SLC25A21: variants seen among roughly 807,000 people sequenced by gnomAD.
SLC25A21 encodes the protein solute carrier family 25 member 21, also known as mitochondrial 2-oxodicarboxylate carrier.
Under a neutral mutation model 43.8 loss-of-function variants are expected in SLC25A21, and 47 were observed. The ratio of observed to expected loss-of-function variants is 1.07; its 90% CI spans 0.85 to 1.37. The LOEUF (loss-of-function observed/expected upper bound fraction) is 1.37. Among genes scored for constraint, SLC25A21 ranks in the 40% most tolerant of loss-of-function variants. SLC25A21 has a pLI of 0.00. For synonymous variants in SLC25A21, 131 were observed against 121.3 expected (o/e 1.08, Z -0.52); for missense variants, 352 against 350.2 (o/e 1.00, Z -0.04).
At chr14:36,914,304 A>C (rs193203281) in intron 1 of SLC25A21, among the ~76,000 whole-genome samples, 63 of 152,308 alleles carry the variant, frequency 4.1e-4, no homozygotes, top group African/African-American at 1.4e-3. Flanking sequence ...GAGTTTGTGA[A>C]ACATTTTCCA....
At chr14:37,167,426 C>T (rs1964047862) in intron 1 of SLC25A21, among the ~76,000 whole-genome samples, 1 of 152,126 alleles carries the variant, frequency 6.6e-6, no homozygotes, top group Non-Finnish European at 1.5e-5. Flanking sequence ...TAAGCAACTC[C>T]ATCTTGCTTC....
intron 3 of SLC25A21, among the ~76,000 whole-genome samples, chr14:36,780,561 G>T (rs548597908): frequency 6.8e-4 from 104 of 152,008 alleles, no homozygotes; most frequent in South Asian, 3.7e-3. Flanking sequence ...GATATTTTTT[G>T]ATTTCCCTTT....
Position 37,172,305 on chromosome 14 carries a change from G to A in SLC25A21, c.46C>T (p.Gln16Ter). Residue 16 changes from glutamine (Q) to a stop codon, truncating the protein, a stop_gained, in exon 1 of 10, where the codon CAG (glutamine) becomes TAG (stop). Coordinates refer to ENST00000331299, the MANE Select transcript of SLC25A21 (RefSeq NM_030631.4). LOFTEE classifies it high-confidence loss of function. ...CCTGCAGAACCACCGGCCACGATCT[G>A]CCGAGAAGCCTCGCGCACTAAGCTG... ...EVSLVREASR[Q>*]IVAGGSAGLV... 6.2e-7 allele frequency: 1 copy of A among 1,601,688 alleles called. No homozygotes were observed.
rs752898382 is a variant in SLC25A21, at chr14:36,684,879, G to A, written c.650C>T (p.Ser217Leu). 2.5e-6 allele frequency: 4 copies of A among 1,612,490 alleles called. No homozygotes were observed. The highest frequency in any genetic ancestry group is 1.3e-5 in the African/African-American group (1 of 74,728). ...GTTAATGACTGAGGCTATTGTCCCC[G>A]AGAGAAGACCAATCCCAAATTTTCT... ...FWRKFGIGLLSGTIASVINIP... is the reference protein window; with the variant it reads ...FWRKFGIGLLLGTIASVINIP... The change falls in exon 8 of 10, where the codon TCG becomes TTG. Residue 217 changes from serine (S) to leucine (L), a missense_variant. By Grantham distance (145) the Ser-to-Leu change is moderately radical. Coordinates refer to ENST00000331299, the MANE Select transcript of SLC25A21 (RefSeq NM_030631.4).
intron 3 of SLC25A21, among the ~76,000 whole-genome samples, chr14:36,763,922 G>T (rs567489512): frequency 6.6e-6 from 1 of 150,808 alleles, no homozygotes; most frequent in East Asian, 2.0e-4. Flanking sequence ...TCAGTTACTT[G>T]GGAGGGTGAG....
chr14:36,706,036 T>C (rs1172039996), intron 7 of SLC25A21, among the ~76,000 whole-genome samples: 3 of 152,208 alleles, frequency 2.0e-5, no homozygotes, highest in African/African-American at 7.2e-5. Context: ...TAAAGAATAC[T>C]GGTTTCCCAG....
intron 3 of SLC25A21, among the ~76,000 whole-genome samples, chr14:36,802,056 A>T (rs2138421634): frequency 6.6e-6 from 1 of 152,284 alleles, no homozygotes; most frequent in East Asian, 1.9e-4. Flanking sequence ...CATGAAAATT[A>T]TTCTATTGTA....
intron 1 of SLC25A21, among the ~76,000 whole-genome samples, chr14:36,879,676 A>C (rs369975906): frequency 2.6e-5 from 4 of 152,230 alleles, no homozygotes; most frequent in African/African-American, 9.6e-5. Context: ...GAAAAAATTA[A>C]CACCACCATG....
intron 3 of SLC25A21, among the ~76,000 whole-genome samples, chr14:36,755,627 A>G (rs1594556515): frequency 6.6e-6 from 1 of 152,198 alleles, no homozygotes; most frequent in East Asian, 1.9e-4. Flanking sequence ...ATTGTGAACC[A>G]CACTTTGACC....
At chr14:36,851,764 C>T (rs1253823143) in intron 2 of SLC25A21, among the ~76,000 whole-genome samples, 3 of 152,068 alleles carry the variant, frequency 2.0e-5, no homozygotes, top group Admixed American at 6.6e-5. Flanking sequence ...GTGTGTTCTC[C>T]AAATGAGTAG....
At chr14:37,073,106 C>T (rs1190822913) in intron 1 of SLC25A21, among the ~76,000 whole-genome samples, 1 of 152,164 alleles carries the variant, frequency 6.6e-6, no homozygotes. Context: ...TCACTTTGAC[C>T]TTCACGCTGT....
chr14:37,020,936 T>C (rs1960972624), intron 1 of SLC25A21, among the ~76,000 whole-genome samples: 1 of 152,014 alleles, frequency 6.6e-6, no homozygotes, highest in Non-Finnish European at 1.5e-5. Context: ...TTCCCAGCAG[T>C]GCAAATCTAA....
chr14:36,990,959 C>G (rs1239737746), intron 1 of SLC25A21, among the ~76,000 whole-genome samples: 1 of 152,036 alleles, frequency 6.6e-6, no homozygotes, highest in Non-Finnish European at 1.5e-5. Flanking sequence ...CATCAGTCAA[C>G]TTGGAGTTCT....
chr14:36,772,819 G>GA (rs547406746), intron 3 of SLC25A21, among the ~76,000 whole-genome samples: 1 of 152,192 alleles, frequency 6.6e-6, no homozygotes, highest in African/African-American at 2.4e-5. Flanking sequence ...TTTGGGGTGA[G>GA]AAACCCAGGT....
At chr14:36,856,094 T>A (rs1464502751) in intron 2 of SLC25A21, among the ~76,000 whole-genome samples, 1 of 152,062 alleles carries the variant, frequency 6.6e-6, no homozygotes, top group African/African-American at 2.4e-5. Flanking sequence ...GAAAGAGGTA[T>A]TTTTTAGGAG....
chr14:36,955,970 C>T (rs1268298358), intron 1 of SLC25A21, among the ~76,000 whole-genome samples: 4 of 152,198 alleles, frequency 2.6e-5, no homozygotes, highest in African/African-American at 9.6e-5. Flanking sequence ...TGTCAACCTT[C>T]AGCAAGTAGG....
chr14:36,994,806 A>G (rs895401557), intron 1 of SLC25A21, among the ~76,000 whole-genome samples: 5 of 152,282 alleles, frequency 3.3e-5, no homozygotes, highest in African/African-American at 1.2e-4. Context: ...AAACAAAAGG[A>G]AACGTGGCAT....
intron 1 of SLC25A21, among the ~76,000 whole-genome samples, chr14:37,017,097 C>T (rs1221916400): frequency 6.6e-6 from 1 of 152,056 alleles, no homozygotes; most frequent in Admixed American, 6.6e-5. Flanking sequence ...TTACTCACTT[C>T]AATAACTTTT....
chr14:37,134,818 T>C (rs1963450846), intron 1 of SLC25A21, among the ~76,000 whole-genome samples: 1 of 151,882 alleles, frequency 6.6e-6, no homozygotes, highest in South Asian at 2.1e-4. Flanking sequence ...CTTGGCCAAG[T>C]GTGGTGGCTC....
Sources: allele counts gnomAD v4.1 joint callset (sites outside exome capture counted in the v4.1 genomes callset), GRCh38; gene constraint gnomAD v4.1.1; transcripts MANE v1.5; gene names NCBI Gene and HGNC (gene_info 2026-07-23, HGNC 2026-07-21).